ANKRD30A: variants seen among roughly 807,000 people sequenced by gnomAD.
ANKRD30A encodes ankyrin repeat domain 30A.
A neutral mutation model predicts 166.3 loss-of-function variants in ANKRD30A; 170 were observed. The observed-to-expected ratio is 1.02, with a 90% CI of 0.90 to 1.16. ANKRD30A has a LOEUF of 1.16. Among genes scored for constraint, ANKRD30A ranks in the 50% most tolerant of loss-of-function variants. The probability of loss-of-function intolerance (pLI) is 0.00; values close to 1 mark genes in which losing one functional copy is unlikely to be tolerated. For synonymous variants in ANKRD30A, 564 were observed against 508.9 expected (o/e 1.11, Z -1.46); for missense variants, 1,630 against 1,518.0 (o/e 1.07, Z -1.23).
At chr10:37,210,269 A>G (rs1248488467) in intron 31 of ANKRD30A, among the ~76,000 whole-genome samples, 3 of 152,122 alleles carry the variant, frequency 2.0e-5, no homozygotes, top group Non-Finnish European at 4.4e-5. Context: ...AGCTTCATCC[A>G]TGTCCCTGCA....
At chr10:37,208,117 GA>G (rs1192472632) in intron 31 of ANKRD30A, among the ~76,000 whole-genome samples, 5 of 152,076 alleles carry the variant, frequency 3.3e-5, no homozygotes, top group Non-Finnish European at 5.9e-5. Flanking sequence ...TCAGGGTTTT[GA>G]TAAGGAAGCA....
the ANKRD30A span, chr10:37,262,619 A>C: frequency 6.5e-6 from 1 of 153,814 alleles, no homozygotes; most frequent in Admixed American, 6.5e-5. Context: ...TAGGGGAAAC[A>C]ATAAACAACA....
chr10:37,151,019 G>A lies in ANKRD30A; in HGVS notation c.1646-1041G>A, dbSNP rs368051516. Among the ~76,000 whole-genome samples, 4 of 127,768 alleles carry A rather than the reference G, an allele frequency of 3.1e-5. 1 individual carries two copies. The highest frequency in any genetic ancestry group is 1.2e-4 in the African/African-American group (4 of 33,798). The allele number at this position is 127,768 out of a possible 152,430, so 83.8% of individuals were successfully genotyped here. A position where few individuals can be genotyped will look rare whatever the true frequency, so the allele number is the denominator to read the frequency against. On this transcript the variant is annotated intron_variant, in intron 11 of 35. Coordinates refer to ENST00000361713, the MANE Select transcript of ANKRD30A (RefSeq NM_052997.3). ...ATGGTGACTTACCAAAGTGTGATTT[G>A]AGTTTCTTGTACCCTCTGCATGAAA...
intron 31 of ANKRD30A, among the ~76,000 whole-genome samples, chr10:37,210,818 GT>G (rs1261650309): frequency 6.6e-6 from 1 of 151,990 alleles, no homozygotes; most frequent in Non-Finnish European, 1.5e-5. Context: ...GGGGTTGTTT[GT>G]TTTTTCCTTG....
intron 15 of ANKRD30A, 101 bp from the exon 16 acceptor site, chr10:37,162,548 A>T (rs1043405567): frequency 3.4e-6 from 5 of 1,466,534 alleles, no homozygotes; most frequent in East Asian, 2.3e-5. Flanking sequence ...TCATTCTCCA[A>T]TTGGAGCAAG....
chr10:37,171,452 T>A lies in ANKRD30A; in HGVS notation c.2257+1728T>A, dbSNP rs1231649705. ...ACTGTTACTCATTAACCATGAAAAT[T>A]ATGACATTGTGACATGTCATGAGTC... On this transcript the variant is annotated intron_variant, in intron 21 of 35. Transcript: ENST00000361713. Among the ~76,000 whole-genome samples, 8 of 150,832 alleles carry A rather than the reference T, an allele frequency of 5.3e-5. No homozygotes were observed. In the South Asian group the frequency reaches 1.0e-3, roughly 20 times the overall value.
chr10:37,223,735 A>G (rs1842997331), intron 34 of ANKRD30A, among the ~76,000 whole-genome samples: 1 of 151,318 alleles, frequency 6.6e-6, no homozygotes, highest in Non-Finnish European at 1.5e-5. Flanking sequence ...CTTTACACAT[A>G]TATAACTCAT....
chr10:37,165,207 C>T (rs771027067), intron 18 of ANKRD30A, 52 bp downstream of exon 18: 1 of 1,499,272 alleles, frequency 6.7e-7, no homozygotes, highest in South Asian at 1.1e-5. Flanking sequence ...GATATGAAAA[C>T]ATAAAATCAG....
the ANKRD30A span, among the ~76,000 whole-genome samples, chr10:37,260,626 A>G: frequency 1.3e-5 from 2 of 152,180 alleles, no homozygotes; most frequent in Admixed American, 1.3e-4. Context: ...CTGTTGTTTT[A>G]GGAAAATAAA....
intron 12 of ANKRD30A, 92 bp downstream of exon 12, chr10:37,152,213 CAT>C (rs1415184062): frequency 1.9e-6 from 2 of 1,041,656 alleles, no homozygotes; most frequent in Non-Finnish European, 2.8e-6. Flanking sequence ...CTCGCCTCTT[CAT>C]ATGTCACCCC....
In ANKRD30A at chr10:37,162,850, T is replaced by C; in HGVS notation, c.2002+2T>C. 6.2e-7 allele frequency: 1 copy of C among 1,613,006 alleles called. No individual in the cohort carries two copies. The highest frequency in any genetic ancestry group is 1.3e-5 in the African/African-American group (1 of 74,980). On this transcript the variant is annotated splice_donor_variant, in intron 17 of 35. Transcript: ENST00000361713. LOFTEE classifies it high-confidence loss of function. ...AAAATGAACAAACATTGAGAGCAGG[T>C]AAATTTTTCAATGTAACTATGGAAA...
intron 15 of ANKRD30A, among the ~76,000 whole-genome samples, chr10:37,161,446 T>A (rs1200880): frequency 6.6e-6 from 1 of 152,152 alleles, no homozygotes; most frequent in Non-Finnish European, 1.5e-5. Flanking sequence ...GGTTTTTTTT[T>A]ATTTTCTGTT....
chr10:37,221,991 A>G (rs1371437687), intron 34 of ANKRD30A, among the ~76,000 whole-genome samples: 1 of 151,424 alleles, frequency 6.6e-6, no homozygotes, highest in Admixed American at 6.6e-5. Context: ...TTGTATAAAC[A>G]TAAACATTTA....
At chr10:37,190,710 T>G (rs111271486) in intron 25 of ANKRD30A, among the ~76,000 whole-genome samples, 13 of 151,800 alleles carry the variant, frequency 8.6e-5, no homozygotes, top group Middle Eastern at 3.4e-3. Flanking sequence ...TACTGCAGAG[T>G]GCTAGAGTGT....
chr10:37,197,081 T>A (rs1185950489), intron 27 of ANKRD30A, among the ~76,000 whole-genome samples, 200 bp from the exon 28 acceptor site: 2 of 152,166 alleles, frequency 1.3e-5, no homozygotes, highest in African/African-American at 4.8e-5. Flanking sequence ...GCATGATCTG[T>A]GAAACCTGTA....
chr10:37,232,693 T>TATATATATAA (rs1491500759), downstream of ANKRD30A: 4 of 9,124 alleles, frequency 4.4e-4, no homozygotes, highest in Non-Finnish European at 1.1e-3. Context: ...TATATATATA[T>TATATATATAA]AAATAGAGAG....
chr10:37,192,544 A>G (rs549862759), intron 25 of ANKRD30A, among the ~76,000 whole-genome samples: 1 of 152,204 alleles, frequency 6.6e-6, no homozygotes, highest in East Asian at 1.9e-4. Flanking sequence ...TGATAAGTAC[A>G]TTTGTACCTT....
intron 31 of ANKRD30A, 84 bp from the exon 32 acceptor site, chr10:37,216,097 G>A (rs1842591690): frequency 1.4e-5 from 13 of 956,154 alleles, no homozygotes; most frequent in East Asian, 7.6e-5. Context: ...TATTTGTTCA[G>A]TGTATAAGTG....
At chr10:37,139,620 C>T (rs1836963140) in intron 6 of ANKRD30A, among the ~76,000 whole-genome samples, 1 of 152,198 alleles carries the variant, frequency 6.6e-6, no homozygotes, top group Admixed American at 6.5e-5. Context: ...ACCCTCTGGC[C>T]TTCCAAGAAG....
Sources: allele counts gnomAD v4.1 joint callset (sites outside exome capture counted in the v4.1 genomes callset), GRCh38; gene constraint gnomAD v4.1.1; transcripts MANE v1.5; gene names NCBI Gene and HGNC (gene_info 2026-07-23, HGNC 2026-07-21).